ITPRID2: variants seen among roughly 807,000 people sequenced by gnomAD.
The protein encoded by ITPRID2 is ITPR interacting domain containing 2.
ITPRID2 carries 60 observed loss-of-function variants against 124.3 expected under a neutral mutation model. The observed-to-expected ratio is 0.48, with a 90% confidence interval of 0.39 to 0.60. The LOEUF is 0.60. Ranked by LOEUF, ITPRID2 falls within the 20% of genes least tolerant of loss-of-function variation. ITPRID2 has a pLI of 0.00. For synonymous variants in ITPRID2, 521 were observed against 542.9 expected (o/e 0.96, Z 0.56); for missense variants, 1,553 against 1,512.2 (o/e 1.03, Z -0.45).
chr2:181,928,750 C>T (rs1695051459), intron 17 of ITPRID2, among the ~76,000 whole-genome samples: 3 of 152,020 alleles, frequency 2.0e-5, no homozygotes, highest in Admixed American at 1.3e-4. Flanking sequence ...CTCAGCCTCC[C>T]AAGTAGCTGG....
chr2:181,915,117 G>C, intron 10 of ITPRID2, 99 bp from the exon 11 acceptor site: 1 of 1,396,692 alleles, frequency 7.2e-7, no homozygotes, highest in Admixed American at 2.1e-5. Context: ...AACTGCAGTG[G>C]AGACAGTGAA....
Position 181,916,314 on chromosome 2 carries a change from A to C in ITPRID2, c.2674A>C (p.Arg892=), listed in dbSNP as rs766624807. 6.2e-7 allele frequency: 1 copy of C among 1,614,204 alleles called. No homozygotes were observed. Among genetic ancestry groups the C allele is most frequent in the Non-Finnish European group, 8.5e-7 (1 of 1,180,048 alleles). ...ASPFGCPYSH[R]HATYPYRVCS... ...CCCTTTCGGGTGTCCTTACTCACAT[A>C]GACATGCCACCTACCCTTACCGAGT... The change falls in exon 11 of 18, where the codon AGA becomes CGA. Residue 892 remains arginine (R), a synonymous_variant. Coordinates refer to ENST00000431877, the MANE Select transcript of ITPRID2 (RefSeq NM_001130445.3).
chr2:181,921,261 T>C (rs1694458893), intron 15 of ITPRID2, among the ~76,000 whole-genome samples: 1 of 152,154 alleles, frequency 6.6e-6, no homozygotes, highest in African/African-American at 2.4e-5. Context: ...GTGGATCACC[T>C]GAGGTCAGGA....
chr2:181,906,611 A>G (rs905039219), intron 8 of ITPRID2, among the ~76,000 whole-genome samples: 2 of 152,032 alleles, frequency 1.3e-5, no homozygotes, highest in Admixed American at 1.3e-4. Flanking sequence ...ATGGTGGTGC[A>G]TGTCTGTAGT....
In ITPRID2 at chr2:181,892,164, C is replaced by T; in HGVS notation, c.98C>T (p.Ser33Phe). 1 of 1,555,384 alleles carries T rather than the reference C, an allele frequency of 6.4e-7. No individual in the cohort carries two copies. The highest frequency in any genetic ancestry group is 8.7e-7 in the Non-Finnish European group (1 of 1,149,604). Residue 33 changes from serine (S) to phenylalanine (F), a missense_variant, in exon 1 of 18, where the codon TCC (serine) becomes TTC (phenylalanine). Transcript: ENST00000431877. The surrounding 1 kb of genome is among the most constrained non-coding windows in gnomAD (Gnocchi z 5.2). ...RRKAWAKCRSSWQASETEDLS... is the reference protein window; with the variant it reads ...RRKAWAKCRSFWQASETEDLS... Reference sequence around the variant, plus strand: ...AAGGCCTGGGCCAAGTGCCGCAGCTCCTGGCAAGCGTCGGAGACGGAGGAT... The same window carrying T: ...AAGGCCTGGGCCAAGTGCCGCAGCTTCTGGCAAGCGTCGGAGACGGAGGAT...
intron 10 of ITPRID2, among the ~76,000 whole-genome samples, chr2:181,914,919 A>G (rs1693907171): frequency 6.6e-6 from 1 of 152,174 alleles, no homozygotes; most frequent in Non-Finnish European, 1.5e-5. Context: ...GAAGAATGTT[A>G]GGAAGTGTTT....
Position 181,910,045 on chromosome 2 carries a change from A to C in ITPRID2, c.1486+74A>C, listed in dbSNP as rs996035159. ...TTGATTTGGAAAAGGGGTTTTATGTATCAGTATTTGTAGTATTTATGAGTG... is the reference window on the plus strand; with the variant it reads ...TTGATTTGGAAAAGGGGTTTTATGTCTCAGTATTTGTAGTATTTATGAGTG... On this transcript the variant is annotated intron_variant, in intron 9 of 17. Coordinates refer to ENST00000431877, the MANE Select transcript of ITPRID2 (RefSeq NM_001130445.3). This position sits in a 1 kb window ranked among gnomAD's most constrained non-coding sequence, Gnocchi z 4.1. 1.7e-6 allele frequency: 2 copies of C among 1,160,566 alleles called. No homozygotes were observed. The highest frequency in any genetic ancestry group is 2.6e-6 in the Non-Finnish European group (2 of 784,244). 71.9% of individuals were successfully genotyped at this position (1,160,566 alleles called of 1,614,324 possible). A position where few individuals can be genotyped will look rare whatever the true frequency, so the allele number is the denominator to read the frequency against.
Position 181,928,209 on chromosome 2 carries a change from C to G in ITPRID2, c.3724C>G (p.Leu1242Val). Reference protein sequence around the residue: ...GEIRREIVSGLLAAVSSSKAS... With the variant: ...GEIRREIVSGVLAAVSSSKAS... ...AATCAGACGGGAAATTGTAAGTGGACTTTTGGCAGCAGTATCTTCAAGTAA... is the reference window on the plus strand; with the variant it reads ...AATCAGACGGGAAATTGTAAGTGGAGTTTTGGCAGCAGTATCTTCAAGTAA... The change falls in exon 17 of 18, where the codon CTT (leucine) becomes GTT (valine). Residue 1242 changes from leucine (L) to valine (V), a missense_variant. By Grantham distance (32) the Leu-to-Val change is conservative (BLOSUM62 1). Coordinates refer to ENST00000431877, the MANE Select transcript of ITPRID2 (RefSeq NM_001130445.3). The G allele has an allele frequency of 6.4e-7, 1 of 1,550,782 alleles. No individual in the cohort carries two copies. The highest frequency in any genetic ancestry group is 8.7e-7 in the Non-Finnish European group (1 of 1,146,520).
At position 181,915,706 on chromosome 2, in the gene ITPRID2, A is replaced by G. The variant is rs776511507; in HGVS notation, c.2066A>G (p.Asp689Gly). 10 of 1,614,020 alleles carry G rather than the reference A, an allele frequency of 6.2e-6. No homozygotes were observed. Among genetic ancestry groups the G allele is most frequent in the African/African-American group, 4.0e-5 (3 of 74,938 alleles). Residue 689 changes from aspartate to glycine, a missense_variant, in exon 11 of 18, where the codon GAC (aspartate) becomes GGC (glycine). By Grantham distance (94) the Asp-to-Gly change is moderately conservative (BLOSUM62 -1). Coordinates refer to ENST00000431877, the MANE Select transcript of ITPRID2 (RefSeq NM_001130445.3). ...ACAACTGGGCCTCCCTCTTCCATGG[A>G]CAGAGTTAATACAGCTTTGCAAAGA... ...ENTTGPPSSM[D>G]RVNTALQRAQ...
intron 8 of ITPRID2, among the ~76,000 whole-genome samples, chr2:181,906,899 T>C (rs1242432349): frequency 6.6e-6 from 1 of 152,194 alleles, no homozygotes; most frequent in Non-Finnish European, 1.5e-5. Context: ...TCAGGCATTG[T>C]ACAAGAACTA....
At position 181,922,267 on chromosome 2, in the gene ITPRID2, A is replaced by C. The variant is rs907135992; in HGVS notation, c.3530A>C (p.Glu1177Ala). ...QTPPDLESSE[E>A]VDAAEGAPEV... ...CCTCCAGATTTGGAAAGTTCTGAGG[A>C]AGTTGATGCAGCTGAAGGAGCCCCA... Residue 1177 changes from glutamate (E) to alanine (A), a missense_variant, in exon 16 of 18, where the codon GAA becomes GCA. Glu to Ala is a moderately radical substitution (Grantham distance 107). Transcript: ENST00000431877. 11 of 1,614,112 alleles carry C rather than the reference A, an allele frequency of 6.8e-6. No homozygotes were observed. Among genetic ancestry groups the C allele is most frequent in the South Asian group, 1.1e-5 (1 of 91,088 alleles).
At position 181,913,772 on chromosome 2, in the gene ITPRID2, CAG is replaced by C. The variant is rs1360965673; in HGVS notation, c.1487-72_1487-71del. 3.0e-6 allele frequency: 3 copies of C among 1,015,506 alleles called. No individual in the cohort carries two copies. The East Asian group carries it at 7.7e-5, about 26-fold the overall frequency. The allele number at this position is 1,015,506 out of a possible 1,614,324, so 62.9% of individuals were successfully genotyped here. A position where few individuals can be genotyped will look rare whatever the true frequency, so the allele number is the denominator to read the frequency against. ...CATATCTCTGTAGTAATATTGCTCT[CAG>C]TAATTTCTTATAGCCACTTTTTTTA... is the stretch of plus-strand genomic sequence containing the variant. On this transcript the variant is annotated intron_variant, in intron 9 of 17. Coordinates refer to ENST00000431877, the MANE Select transcript of ITPRID2 (RefSeq NM_001130445.3).
At chr2:181,915,155 A>AT in intron 10 of ITPRID2, 61 bp from the exon 11 acceptor site, 1 of 1,536,974 alleles carries the variant, frequency 6.5e-7, no homozygotes, top group Non-Finnish European at 8.8e-7. Context: ...TTGGTTTGGT[A>AT]TTTTGTTAGT....
At chr2:181,908,633 GT>G (rs1237145069) in intron 8 of ITPRID2, among the ~76,000 whole-genome samples, 1 of 152,194 alleles carries the variant, frequency 6.6e-6, no homozygotes, top group Non-Finnish European at 1.5e-5. Context: ...TGTGCTTTCA[GT>G]TTTCAAAAGA....
intron 7 of ITPRID2, among the ~76,000 whole-genome samples, chr2:181,901,116 C>T (rs1213339152): frequency 6.6e-6 from 1 of 152,120 alleles, no homozygotes; most frequent in Non-Finnish European, 1.5e-5. Flanking sequence ...TCCCCAATTC[C>T]TGACTTAAGT....
intron 15 of ITPRID2, 46 bp downstream of exon 15, chr2:181,920,708 C>T: frequency 7.4e-7 from 1 of 1,349,458 alleles, no homozygotes; most frequent in Non-Finnish European, 1.1e-6. Flanking sequence ...AATGATACAA[C>T]ATTTCAGACA....
intron 2 of ITPRID2, 102 bp from the exon 3 acceptor site, chr2:181,895,928 T>G: frequency 2.2e-6 from 2 of 929,242 alleles, no homozygotes; most frequent in Admixed American, 2.0e-5. Flanking sequence ...TAACTGTGAT[T>G]AGAAGCTTAT....
chr2:181,925,258 A>G (rs1043590788), intron 16 of ITPRID2, among the ~76,000 whole-genome samples: 17 of 152,224 alleles, frequency 1.1e-4, no homozygotes, highest in African/African-American at 4.1e-4. Context: ...GTTCCCACAT[A>G]CTTCAGACTT....
Position 181,915,470 on chromosome 2 carries a change from C to A in ITPRID2, c.1830C>A (p.Ser610=). 6.2e-7 allele frequency: 1 copy of A among 1,614,130 alleles called. No homozygotes were observed. The highest frequency in any genetic ancestry group is 8.5e-7 in the Non-Finnish European group (1 of 1,180,018). ...TTGAGAATACAGGAACTAAACAGTC[C>A]ACCTGTAGTCCAGGGGATCATATCA... is the stretch of plus-strand genomic sequence containing the variant. The part of the protein sequence containing the change: ...NTIENTGTKQ[S]TCSPGDHIIE... Residue 610 remains serine (S), a synonymous_variant, in exon 11 of 18, where the codon TCC becomes TCA. Coordinates refer to ENST00000431877, the MANE Select transcript of ITPRID2 (RefSeq NM_001130445.3).
Sources: allele counts gnomAD v4.1 joint callset (sites outside exome capture counted in the v4.1 genomes callset), GRCh38; gene constraint gnomAD v4.1.1; non-coding constraint Gnocchi (gnomAD v3.1); transcripts MANE v1.5; gene names NCBI Gene and HGNC (gene_info 2026-07-23, HGNC 2026-07-21).